Variants in MALRD1 observed in about 807,000 individuals in gnomAD.
MALRD1 encodes the protein MAM and LDL-receptor class A domain-containing protein 1.
MALRD1 carries 247 observed loss-of-function variants against 242.1 expected under a neutral mutation model. The ratio of observed to expected loss-of-function variants is 1.02; its 90% CI spans 0.92 to 1.13. The LOEUF (loss-of-function observed/expected upper bound fraction) is 1.13. Ranked by LOEUF, MALRD1 falls within the 50% of genes most tolerant of loss-of-function variation. The probability of loss-of-function intolerance (pLI) is 0.00; values close to 1 mark genes in which losing one functional copy is unlikely to be tolerated. For synonymous variants in MALRD1, 995 were observed against 866.6 expected (o/e 1.15, Z -2.60); for missense variants, 2,989 against 2,533.1 (o/e 1.18, Z -3.86).
intron 29 of MALRD1, among the ~76,000 whole-genome samples, chr10:19,451,716 C>A (rs1162849024): frequency 3.3e-5 from 5 of 152,196 alleles, no homozygotes; most frequent in African/African-American, 1.2e-4. Context: ...TGTAGTGTTA[C>A]AGCATCTGCT....
At position 19,238,395 on chromosome 10, in the gene MALRD1, TTATATATTATGTATAATATATAA is replaced by T. The variant is rs1318198883; in HGVS notation, c.2992-19284_2992-19262del. The stretch of plus-strand genomic sequence containing the variant: ...TATTATACATAATATATTATATATG[TTATATATTATGTATAATATATAA>T]TATACATTATATATAATATATAATA... On this transcript the variant is annotated intron_variant, in intron 18 of 39. Transcript: ENST00000454679. Among the ~76,000 whole-genome samples the T allele has an allele frequency of 2.9e-3, 201 of 70,268 alleles. 5 individuals are homozygous for T. The highest frequency in any genetic ancestry group is 3.2e-3 in the Non-Finnish European group (130 of 40,900). The allele number at this position is 70,268 out of a possible 152,430, so 46.1% of individuals were successfully genotyped here.
intron 30 of MALRD1, among the ~76,000 whole-genome samples, chr10:19,493,978 A>G (rs1837607040): frequency 6.6e-6 from 1 of 152,178 alleles, no homozygotes; most frequent in African/African-American, 2.4e-5. Context: ...AAAAACTTGG[A>G]CAAATTCAAG....
In MALRD1 at chr10:19,048,981, G is replaced by A. The variant is rs1386079918; in HGVS notation, c.43G>A (p.Glu15Lys). The change falls in exon 1 of 40, where the codon GAA (glutamate) becomes AAA (lysine). Residue 15 changes from glutamate (E) to lysine (K), a missense_variant. By Grantham distance (56) the Glu-to-Lys change is moderately conservative. Coordinates refer to ENST00000454679, the MANE Select transcript of MALRD1 (RefSeq NM_001142308.3). ...LDRMLAFPMNETFCCLWIACV... is the reference protein window; with the variant it reads ...LDRMLAFPMNKTFCCLWIACV... The stretch of plus-strand genomic sequence containing the variant: ...CAGAATGTTGGCATTCCCCATGAAT[G>A]AAACTTTTTGTTGCCTTTGGATTGC... 1 of 1,233,800 alleles carries A rather than the reference G, an allele frequency of 8.1e-7. No individual in the cohort carries two copies. The highest frequency in any genetic ancestry group is 2.1e-4 in the Middle Eastern group (1 of 4,862). 76.4% of individuals were successfully genotyped at this position (1,233,800 alleles called of 1,614,324 possible).
At chr10:19,188,832 A>G (rs983910214) in intron 14 of MALRD1, among the ~76,000 whole-genome samples, 1 of 138,792 alleles carries the variant, frequency 7.2e-6, no homozygotes, top group East Asian at 2.0e-4. Flanking sequence ...AATGATGGTG[A>G]CTTGAGCTAG....
At chr10:19,341,308 A>G (rs1843839857) in intron 24 of MALRD1, among the ~76,000 whole-genome samples, 1 of 151,544 alleles carries the variant, frequency 6.6e-6, no homozygotes, top group Non-Finnish European at 1.5e-5. Flanking sequence ...TATGTCTGGC[A>G]TTTTTTCTAG....
intron 36 of MALRD1, among the ~76,000 whole-genome samples, chr10:19,649,497 C>G (rs1277831884): frequency 6.6e-6 from 1 of 152,112 alleles, no homozygotes; most frequent in African/African-American, 2.4e-5. Flanking sequence ...TGATATTGAG[C>G]TTCTTTTCAT....
At position 19,133,097 on chromosome 10, in the gene MALRD1, C is replaced by A. The variant is rs530122734; in HGVS notation, c.1111-759C>A. 2.5e-4 allele frequency among the ~76,000 whole-genome samples: 38 copies of A among 152,110 alleles called. No homozygotes were observed. The East Asian group carries it at 6.6e-3, about 26-fold the overall frequency. ...GGGATTACAGGCACCCACCACCACGCCTGGCTAATTTTTGTATTTTTAGTA... is the reference window on the plus strand; with the variant it reads ...GGGATTACAGGCACCCACCACCACGACTGGCTAATTTTTGTATTTTTAGTA... On this transcript the variant is annotated intron_variant, in intron 8 of 39. Transcript: ENST00000454679.
chr10:19,660,804 A>G (rs1314240422), intron 36 of MALRD1, among the ~76,000 whole-genome samples: 2 of 152,160 alleles, frequency 1.3e-5, no homozygotes, highest in Non-Finnish European at 2.9e-5. Flanking sequence ...CGTTCCTCAA[A>G]TAACTATTTT....
At chr10:19,328,226 A>T (rs11009493) in intron 23 of MALRD1, among the ~76,000 whole-genome samples, 1 of 152,052 alleles carries the variant, frequency 6.6e-6, no homozygotes. Flanking sequence ...GAAAATGTTT[A>T]AACTGGAAAT....
intron 28 of MALRD1, among the ~76,000 whole-genome samples, chr10:19,401,533 TTAAC>T (rs1846845608): frequency 6.6e-6 from 1 of 152,176 alleles, no homozygotes; most frequent in African/African-American, 2.4e-5. Flanking sequence ...TTGAATGACC[TTAAC>T]TTTTAATTTT....
chr10:19,087,884 A>G lies in MALRD1; in HGVS notation c.385A>G (p.Ser129Gly), dbSNP rs1030591797. Reference protein sequence around the residue: ...LVSRVDSISSSLRSRVFLPTN... With the variant: ...LVSRVDSISSGLRSRVFLPTN... ...TTCCAGAGTGGATTCTATTTCCTCA[A>G]GTTTAAGAAGCAGAGTTTTCCTTCC... Residue 129 changes from serine to glycine, a missense_variant, in exon 3 of 40, where the codon AGT (serine) becomes GGT (glycine). Coordinates refer to ENST00000454679, the MANE Select transcript of MALRD1 (RefSeq NM_001142308.3). 2 of 1,233,184 alleles carry G rather than the reference A, an allele frequency of 1.6e-6. No homozygotes were observed. The highest frequency in any genetic ancestry group is 3.1e-5 in the African/African-American group (2 of 64,376). The allele number at this position is 1,233,184 out of a possible 1,614,324, so 76.4% of individuals were successfully genotyped here.
chr10:19,338,704 G>T (rs554368251), intron 24 of MALRD1, among the ~76,000 whole-genome samples: 2 of 147,084 alleles, frequency 1.4e-5, no homozygotes, highest in African/African-American at 5.4e-5. Flanking sequence ...ATATCATGGA[G>T]AATGGGGTAT....
At chr10:19,363,196 C>T (rs1038812634) in intron 26 of MALRD1, among the ~76,000 whole-genome samples, 2 of 151,880 alleles carry the variant, frequency 1.3e-5, no homozygotes, top group Non-Finnish European at 2.9e-5. Context: ...ATAAAATCAT[C>T]AAAGAATGAA....
At chr10:19,652,813 A>G (rs900648021) in intron 36 of MALRD1, among the ~76,000 whole-genome samples, 8 of 152,218 alleles carry the variant, frequency 5.3e-5, no homozygotes, top group African/African-American at 1.2e-4. Flanking sequence ...TAAATAACTT[A>G]TCAAGATCAT....
rs1449647094 is a variant in MALRD1, at chr10:19,108,408, T to C, written c.694+4333T>C. ...TTTTCTTTTTTTTTTTTTTTTTTTTTTTTTTTTTTTTTTTTTTAAGACGGA... is the reference window on the plus strand; with the variant it reads ...TTTTCTTTTTTTTTTTTTTTTTTTTCTTTTTTTTTTTTTTTTTAAGACGGA... On this transcript the variant is annotated intron_variant, in intron 5 of 39. Coordinates refer to ENST00000454679, the MANE Select transcript of MALRD1 (RefSeq NM_001142308.3). Among the ~76,000 whole-genome samples the C allele has an allele frequency of 1.6e-3, 29 of 17,958 alleles. 1 individual carries two copies. Among genetic ancestry groups the C allele is most frequent in the Admixed American group, 3.8e-3 (6 of 1,570 alleles). The allele number at this position is 17,958 out of a possible 152,430, so 11.8% of individuals were successfully genotyped here.
intron 22 of MALRD1, among the ~76,000 whole-genome samples, chr10:19,324,900 G>A (rs1320855987): frequency 7.7e-6 from 1 of 130,400 alleles, no homozygotes; most frequent in African/African-American, 2.8e-5. Flanking sequence ...CATTACTTTT[G>A]TTTTTTTTTG....
At chr10:19,125,300 T>C (rs1765374601) in intron 7 of MALRD1, among the ~76,000 whole-genome samples, 1 of 50,574 alleles carries the variant, frequency 2.0e-5, no homozygotes, top group African/African-American at 1.1e-4. Context: ...TTTCCTTCCT[T>C]CCTTCCTTCC....
At chr10:19,710,311 G>T (rs962000367) in intron 38 of MALRD1, 4 of 151,736 alleles carry the variant, frequency 2.6e-5, no homozygotes, top group African/African-American at 9.7e-5. Context: ...TTAGAGAAAT[G>T]AGTGCATGAT....
In MALRD1 at chr10:19,590,380, T is replaced by A. The variant is rs555137405; in HGVS notation, c.5681-4814T>A. 3.0e-3 allele frequency among the ~76,000 whole-genome samples: 447 copies of A among 148,174 alleles called. 4 individuals carry two copies. Among genetic ancestry groups the A allele is most frequent in the African/African-American group, 9.1e-3 (373 of 40,848 alleles). Reference sequence around the variant, plus strand: ...TATATGTATATGTCTATATACATATTTTATATATGTATATATTTTATATAA... The same window carrying A: ...TATATGTATATGTCTATATACATATATTATATATGTATATATTTTATATAA... On this transcript the variant is annotated intron_variant, in intron 33 of 39. Coordinates refer to ENST00000454679, the MANE Select transcript of MALRD1 (RefSeq NM_001142308.3).
Sources: allele counts gnomAD v4.1 joint callset (sites outside exome capture counted in the v4.1 genomes callset), GRCh38; gene constraint gnomAD v4.1.1; transcripts MANE v1.5; gene names NCBI Gene and HGNC (gene_info 2026-07-23, HGNC 2026-07-21).